GRID1: variants seen among roughly 807,000 people sequenced by gnomAD.
The protein encoded by GRID1 is glutamate ionotropic receptor delta type subunit 1, also known as glutamate receptor ionotropic, delta-1.
In GRID1, 28 loss-of-function variants were observed where a neutral mutation model predicts 98.0. The ratio of observed to expected loss-of-function variants is 0.29; its 90% CI spans 0.21 to 0.39. The LOEUF (loss-of-function observed/expected upper bound fraction) is 0.39. GRID1 is among the 10% of genes least tolerant of loss of function. The pLI is 1.00. For missense variants in GRID1, 1,111 were observed against 1,340.5 expected (o/e 0.83, Z 2.67); for synonymous variants, 553 against 538.5 (o/e 1.03, Z -0.37).
chr10:85,862,584 G>T (rs1843173909), intron 6 of GRID1, among the ~76,000 whole-genome samples: 1 of 152,134 alleles, frequency 6.6e-6, no homozygotes. Flanking sequence ...AAGGTAGGAG[G>T]CGTCTCTGGG....
chr10:85,631,540 C>T (rs2132535288), intron 13 of GRID1, among the ~76,000 whole-genome samples: 1 of 152,246 alleles, frequency 6.6e-6, no homozygotes, highest in East Asian at 1.9e-4. Flanking sequence ...AAAAAAGAAG[C>T]TGGTTTGGTA....
intron 4 of GRID1, among the ~76,000 whole-genome samples, chr10:86,018,903 A>G (rs937264712): frequency 2.6e-5 from 4 of 152,184 alleles, no homozygotes; most frequent in African/African-American, 4.8e-5. Context: ...CACTTGGGTA[A>G]CTTCAAGAGA....
chr10:85,684,782 G>A (rs147083271), intron 12 of GRID1, among the ~76,000 whole-genome samples: 1 of 152,324 alleles, frequency 6.6e-6, no homozygotes, highest in Non-Finnish European at 1.5e-5. Context: ...CTGGAGGCTG[G>A]AAGTCCAAGA....
At chr10:86,046,993 G>T (rs566652198) in intron 4 of GRID1, among the ~76,000 whole-genome samples, 2 of 152,298 alleles carry the variant, frequency 1.3e-5, no homozygotes, top group South Asian at 4.1e-4. Flanking sequence ...CTCTAGTCAG[G>T]CAGTGGCCAC....
At chr10:85,696,415 A>G (rs555636699) in intron 12 of GRID1, among the ~76,000 whole-genome samples, 1 of 152,166 alleles carries the variant, frequency 6.6e-6, no homozygotes, top group South Asian at 2.1e-4. Context: ...AAGCAGAGAG[A>G]AAGGTGCTCT....
intron 2 of GRID1, among the ~76,000 whole-genome samples, chr10:86,273,005 A>G (rs1023703069): frequency 2.4e-4 from 37 of 152,128 alleles, no homozygotes; most frequent in African/African-American, 7.7e-4. Flanking sequence ...CTGGTGTGCT[A>G]CACCCATTAA....
intron 12 of GRID1, 133 bp from the exon 13 acceptor site, chr10:85,647,530 C>T (rs938425800): frequency 2.8e-6 from 2 of 707,892 alleles, no homozygotes; most frequent in Non-Finnish European, 4.9e-6. Flanking sequence ...CATTCCCCAT[C>T]CCCCAAAGTT....
intron 8 of GRID1, among the ~76,000 whole-genome samples, chr10:85,848,589 G>A (rs1017174916): frequency 3.9e-5 from 6 of 152,116 alleles, no homozygotes; most frequent in Non-Finnish European, 7.4e-5. Context: ...TGATCTCTAT[G>A]TATGAAGGGA....
chr10:85,689,860 G>C lies in GRID1; in HGVS notation c.1997+33143C>G, dbSNP rs184796819. On this transcript the variant is annotated intron_variant, in intron 12 of 15. Coordinates refer to ENST00000327946, the MANE Select transcript of GRID1 (RefSeq NM_017551.3). ...CCAGTCAAGTTATTCTTCATATGTAGAGAACCAGAAATGAAACAAATCTTC... is the reference window on the plus strand; with the variant it reads ...CCAGTCAAGTTATTCTTCATATGTACAGAACCAGAAATGAAACAAATCTTC... Among the ~76,000 whole-genome samples the C allele has an allele frequency of 2.4e-3, 370 of 152,280 alleles. 3 individuals carry two copies. The highest frequency in any genetic ancestry group is 8.3e-3 in the African/African-American group (346 of 41,572).
intron 4 of GRID1, among the ~76,000 whole-genome samples, chr10:85,979,732 G>A (rs889386312): frequency 1.3e-5 from 2 of 152,222 alleles, no homozygotes; most frequent in Non-Finnish European, 1.5e-5. Context: ...TTTGGGATGG[G>A]ACATAACTCA....
rs539530643 is a variant in GRID1, at chr10:85,945,663, T to A, written c.727-29424A>T. On this transcript the variant is annotated intron_variant, in intron 4 of 15. Coordinates refer to ENST00000327946, the MANE Select transcript of GRID1 (RefSeq NM_017551.3). ...GAAACCCTTCACTCTGAAAAGTTCC[T>A]ACACATGGGCTAGAAAATTCTGTTT... Among the ~76,000 whole-genome samples the A allele has an allele frequency of 3.0e-3, 463 of 152,348 alleles. 1 individual carries two copies. Among genetic ancestry groups the A allele is most frequent in the African/African-American group, 0.011 (437 of 41,586 alleles).
chr10:85,713,519 C>G (rs1194442124), intron 12 of GRID1, among the ~76,000 whole-genome samples: 1 of 151,448 alleles, frequency 6.6e-6, no homozygotes, highest in Non-Finnish European at 1.5e-5. Flanking sequence ...ACCTTTATAT[C>G]AAAGCCTGAC....
chr10:86,010,669 T>A (rs1842913736), intron 4 of GRID1, among the ~76,000 whole-genome samples: 1 of 151,770 alleles, frequency 6.6e-6, no homozygotes, highest in Non-Finnish European at 1.5e-5. Flanking sequence ...TACAAAAAAA[T>A]TAGCCAGGTG....
chr10:86,048,789 GTAA>G (rs1431475113), intron 4 of GRID1, among the ~76,000 whole-genome samples: 1 of 152,232 alleles, frequency 6.6e-6, no homozygotes, highest in Non-Finnish European at 1.5e-5. Flanking sequence ...GTGTCAACAT[GTAA>G]TAATAATAAC....
At chr10:86,087,344 TG>T (rs1267324442) in intron 4 of GRID1, among the ~76,000 whole-genome samples, 9 of 68,142 alleles carry the variant, frequency 1.3e-4, no homozygotes, top group African/African-American at 1.2e-3. Context: ...AGTGTGTTTG[TG>T]TGTGTGTGTG....
intron 8 of GRID1, among the ~76,000 whole-genome samples, chr10:85,730,404 G>A (rs1277154468): frequency 1.3e-5 from 2 of 152,110 alleles, no homozygotes; most frequent in Non-Finnish European, 2.9e-5. Flanking sequence ...AACGATTCTC[G>A]ACTATTAATG....
chr10:86,206,610 T>A lies in GRID1; in HGVS notation c.274A>T (p.Thr92Ser). The change falls in exon 3 of 16, where the codon ACG becomes TCG. Residue 92 changes from threonine to serine, a missense_variant. This residue lies in a region of GRID1 where 346 missense variants were observed against 452.3 expected (regional missense o/e 0.76). Transcript: ENST00000327946. This position sits in a 1 kb window ranked among gnomAD's most constrained non-coding sequence, Gnocchi z 4.1. ...TTGGCAGATGCACAGCCAGTGGACG[T>A]GACCAAGGCCAAAATCCCCTGGGTC... ...LMTQGILALV[T>S]STGCASANAL... is the part of the protein sequence containing the mutation. 6.2e-7 allele frequency: 1 copy of A among 1,614,066 alleles called. No homozygotes were observed. The highest frequency in any genetic ancestry group is 8.5e-7 in the Non-Finnish European group (1 of 1,179,984).
intron 8 of GRID1, among the ~76,000 whole-genome samples, chr10:85,804,915 C>A (rs1842609142): frequency 6.6e-6 from 1 of 151,378 alleles, no homozygotes; most frequent in African/African-American, 2.4e-5. Flanking sequence ...CTTACCACAT[C>A]TTTCCAACAT....
intron 8 of GRID1, among the ~76,000 whole-genome samples, chr10:85,817,829 T>A (rs1475080417): frequency 5.3e-5 from 8 of 151,998 alleles, no homozygotes; most frequent in African/African-American, 1.9e-4. Flanking sequence ...AGGCAGAGGT[T>A]GCAGTGAGCC....
Sources: allele counts gnomAD v4.1 joint callset (sites outside exome capture counted in the v4.1 genomes callset), GRCh38; gene constraint gnomAD v4.1.1; regional missense constraint gnomAD v4.1.1; non-coding constraint Gnocchi (gnomAD v3.1); transcripts MANE v1.5; gene names NCBI Gene and HGNC (gene_info 2026-07-23, HGNC 2026-07-21).